The following CTNNA3 variants were observed in gnomAD, a reference collection of about 807,000 sequenced individuals.
The protein encoded by CTNNA3 is catenin alpha 3.
CTNNA3 carries 76 observed loss-of-function variants against 95.7 expected under a neutral mutation model. The observed-to-expected ratio is 0.79, with a 90% CI of 0.66 to 0.96. The LOEUF is 0.96. Among genes scored for constraint, CTNNA3 ranks in the 40% least tolerant of loss-of-function variants. The probability of loss-of-function intolerance (pLI) is 0.00; values close to 1 mark genes in which losing one functional copy is unlikely to be tolerated. For missense variants in CTNNA3, 1,191 were observed against 1,089.8 expected (o/e 1.09, Z -1.31); for synonymous variants, 431 against 374.4 (o/e 1.15, Z -1.74).
At chr10:67,508,526 T>C (rs1839501449) in intron 5 of CTNNA3, among the ~76,000 whole-genome samples, 1 of 152,192 alleles carries the variant, frequency 6.6e-6, no homozygotes, top group South Asian at 2.1e-4. Context: ...ATTAAAGCTG[T>C]AAACATAAGC....
At chr10:67,587,228 TGTG>T in intron 3 of CTNNA3, among the ~76,000 whole-genome samples, 1 of 150,666 alleles carries the variant, frequency 6.6e-6, no homozygotes, top group Non-Finnish European at 1.5e-5. Context: ...TGTGTGTGTG[TGTG>T]TGTGTGTGTG....
chr10:66,673,473 T>A (rs1217748935), intron 9 of CTNNA3, among the ~76,000 whole-genome samples: 1 of 152,074 alleles, frequency 6.6e-6, no homozygotes, highest in Non-Finnish European at 1.5e-5. Flanking sequence ...ATTGTAAAAG[T>A]AATGACCACA....
At chr10:67,440,646 C>T (rs1429657997) in intron 5 of CTNNA3, among the ~76,000 whole-genome samples, 1 of 151,982 alleles carries the variant, frequency 6.6e-6, no homozygotes, top group Non-Finnish European at 1.5e-5. Context: ...GAGAGAAGGT[C>T]CATTTGTTTG....
intron 6 of CTNNA3, among the ~76,000 whole-genome samples, chr10:67,216,355 C>T (rs904350175): frequency 7.9e-5 from 12 of 152,060 alleles, no homozygotes; most frequent in Admixed American, 4.6e-4. Context: ...CTTACATGTG[C>T]TTCTGGTAGT....
chr10:67,091,038 A>G (rs1857598841), intron 7 of CTNNA3, among the ~76,000 whole-genome samples: 1 of 152,076 alleles, frequency 6.6e-6, no homozygotes, highest in African/African-American at 2.4e-5. Context: ...GTTTCTTAAT[A>G]TTACTCAAAT....
chr10:67,144,214 T>C lies in CTNNA3; in HGVS notation c.1047+36103A>G, dbSNP rs143107949. On this transcript the variant is annotated intron_variant, in intron 7 of 17. Coordinates refer to ENST00000433211, the MANE Select transcript of CTNNA3 (RefSeq NM_013266.4). ...TGGGTTTAAAATATTTAGTACAACA[T>C]GCAGTAAACAGACACGCTGCCATCT... 5.1e-3 allele frequency among the ~76,000 whole-genome samples: 778 copies of C among 152,346 alleles called. 6 individuals carry two copies. The highest frequency in any genetic ancestry group is 0.018 in the African/African-American group (729 of 41,590).
chr10:67,553,347 A>G (rs1238904507), intron 3 of CTNNA3, among the ~76,000 whole-genome samples: 5 of 152,166 alleles, frequency 3.3e-5, no homozygotes, highest in Non-Finnish European at 7.3e-5. Context: ...GGTACTTTGA[A>G]GTCAAGTCAT....
chr10:66,649,985 A>G (rs1271702517), intron 9 of CTNNA3, among the ~76,000 whole-genome samples: 1 of 152,242 alleles, frequency 6.6e-6, no homozygotes, highest in African/African-American at 2.4e-5. Flanking sequence ...ACACCAGATT[A>G]GCACTCCTGG....
intron 5 of CTNNA3, among the ~76,000 whole-genome samples, chr10:67,463,340 C>A (rs1847456851): frequency 6.6e-6 from 1 of 152,126 alleles, no homozygotes; most frequent in South Asian, 2.1e-4. Flanking sequence ...CAATCACCAT[C>A]AGTTTTCTTG....
At chr10:66,747,795 A>G in intron 9 of CTNNA3, among the ~76,000 whole-genome samples, 1 of 152,202 alleles carries the variant, frequency 6.6e-6, no homozygotes, top group Middle Eastern at 3.2e-3. Context: ...TATCCTAGAA[A>G]CAAGCAAAGA....
chr10:66,024,088 T>A lies in CTNNA3; in HGVS notation c.2160-35291A>T, dbSNP rs1359125969. Among the ~76,000 whole-genome samples the A allele has an allele frequency of 1.7e-4, 22 of 129,972 alleles. No individual in the cohort carries two copies. The East Asian group carries it at 4.6e-3, about 27-fold the overall frequency. 85.3% of individuals were successfully genotyped at this position (129,972 alleles called of 152,430 possible). A position where few individuals can be genotyped will look rare whatever the true frequency, so the allele number is the denominator to read the frequency against. ...CACAGAAACTTATACCATACACATT[T>A]TTTTTTTTTTTTTTTTTTTGAGACG... On this transcript the variant is annotated intron_variant, in intron 15 of 17. Coordinates refer to ENST00000433211, the MANE Select transcript of CTNNA3 (RefSeq NM_013266.4).
At chr10:67,476,355 G>GGCACTCTCTGCTGGTTCAGCAGCCAGAGA (rs1564676579) in intron 5 of CTNNA3, among the ~76,000 whole-genome samples, 4 of 151,866 alleles carry the variant, frequency 2.6e-5, no homozygotes, top group Non-Finnish European at 5.9e-5. Context: ...GCCATCAGGG[G>GGCACTCTCTGCTGGTTCAGCAGCCAGAGA]GCACTCTCTG....
intron 5 of CTNNA3, among the ~76,000 whole-genome samples, chr10:67,481,622 A>G (rs1225762033): frequency 6.6e-6 from 1 of 152,146 alleles, no homozygotes; most frequent in African/African-American, 2.4e-5. Flanking sequence ...ACTACAAAAC[A>G]CTGCTCATTG....
At chr10:65,979,139 T>C (rs2078268319) in intron 16 of CTNNA3, among the ~76,000 whole-genome samples, 1 of 152,178 alleles carries the variant, frequency 6.6e-6, no homozygotes, top group Non-Finnish European at 1.5e-5. Context: ...TAGGCTGAAA[T>C]TGTCTTGAGT....
intron 7 of CTNNA3, among the ~76,000 whole-genome samples, chr10:66,847,599 T>G (rs1213183902): frequency 6.6e-6 from 1 of 152,174 alleles, no homozygotes; most frequent in African/African-American, 2.4e-5. Context: ...AGAAGTTGGC[T>G]GTGAAGAATA....
At chr10:67,110,906 A>C (rs529224014) in intron 7 of CTNNA3, among the ~76,000 whole-genome samples, 2 of 152,170 alleles carry the variant, frequency 1.3e-5, no homozygotes, top group African/African-American at 2.4e-5. Flanking sequence ...GGTTCTAAGG[A>C]GGTAAGACTT....
intron 6 of CTNNA3, among the ~76,000 whole-genome samples, chr10:67,206,173 G>A (rs1863891717): frequency 6.6e-6 from 1 of 152,134 alleles, no homozygotes; most frequent in Non-Finnish European, 1.5e-5. Context: ...GGTGAGTTTA[G>A]GATGAACTAT....
At chr10:66,286,507 AG>A (rs2091591584) in intron 12 of CTNNA3, among the ~76,000 whole-genome samples, 1 of 152,044 alleles carries the variant, frequency 6.6e-6, no homozygotes, top group African/African-American at 2.4e-5. Context: ...CAGTTACAAC[AG>A]GGAAAAAGTT....
At chr10:66,972,700 A>ATT (rs56664927) in intron 7 of CTNNA3, among the ~76,000 whole-genome samples, 3 of 108,656 alleles carry the variant, frequency 2.8e-5, no homozygotes, top group Admixed American at 1.1e-4. Context: ...TGTCAAATAG[A>ATT]TTTTTTTTTT....
Sources: allele counts gnomAD v4.1 joint callset (sites outside exome capture counted in the v4.1 genomes callset), GRCh38; gene constraint gnomAD v4.1.1; transcripts MANE v1.5; gene names NCBI Gene and HGNC (gene_info 2026-07-23, HGNC 2026-07-21).